Variants in CACNA2D3 observed in about 807,000 individuals in gnomAD.
CACNA2D3 encodes the protein voltage-dependent calcium channel subunit alpha-2/delta-3.
A neutral mutation model predicts 160.6 loss-of-function variants in CACNA2D3; 60 were observed. The ratio of observed to expected loss-of-function variants is 0.37; its 90% CI spans 0.30 to 0.46. The LOEUF (loss-of-function observed/expected upper bound fraction) is 0.46, where lower values mean the gene tolerates loss of function less well. Among genes scored for constraint, CACNA2D3 ranks in the 20% least tolerant of loss-of-function variants. The pLI is 1.00. For missense variants in CACNA2D3, 1,205 were observed against 1,365.0 expected (o/e 0.88, Z 1.85); for synonymous variants, 558 against 492.9 (o/e 1.13, Z -1.75).
At chr3:54,478,660 GTATATATA>G (rs375465672) in intron 4 of CACNA2D3, among the ~76,000 whole-genome samples, 2,951 of 36,390 alleles carry the variant, frequency 0.081, 565 homozygotes, top group African/African-American at 0.2. Context: ...ATATGTGTGT[GTATATATA>G]TATATATATA....
chr3:54,689,800 C>G (rs369296262), intron 11 of CACNA2D3, among the ~76,000 whole-genome samples: 37 of 152,252 alleles, frequency 2.4e-4, no homozygotes, highest in African/African-American at 8.7e-4. Flanking sequence ...CTCCCTGCCT[C>G]TTTGACACCC....
intron 9 of CACNA2D3, among the ~76,000 whole-genome samples, chr3:54,596,170 C>G (rs961964593): frequency 6.6e-6 from 1 of 152,080 alleles, no homozygotes; most frequent in African/African-American, 2.4e-5. Context: ...CTTCAGTCTC[C>G]AAGTCCATTG....
chr3:54,539,845 G>A (rs932263169), intron 5 of CACNA2D3, among the ~76,000 whole-genome samples: 3 of 152,194 alleles, frequency 2.0e-5, no homozygotes, highest in Non-Finnish European at 2.9e-5. Context: ...CTCTGCGCCA[G>A]CCAGTTTGTG....
intron 12 of CACNA2D3, among the ~76,000 whole-genome samples, chr3:54,763,788 T>TACGTATATATACGTATATATAA (rs374469206): frequency 2.6e-5 from 1 of 38,546 alleles, no homozygotes; most frequent in Non-Finnish European, 5.1e-5. Context: ...TACATATATA[T>TACGTATATATACGTATATATAA]GTATATATAT....
chr3:54,723,864 AC>A, intron 11 of CACNA2D3, among the ~76,000 whole-genome samples: 1 of 152,320 alleles, frequency 6.6e-6, no homozygotes, highest in East Asian at 1.9e-4. Context: ...GCATCAACTA[AC>A]AGACAAAACA....
intron 4 of CACNA2D3, among the ~76,000 whole-genome samples, chr3:54,404,215 C>A (rs770697905): frequency 1.3e-5 from 2 of 152,282 alleles, no homozygotes; most frequent in Middle Eastern, 3.4e-3. Flanking sequence ...GTATCAATAT[C>A]TCTGATGAAT....
intron 4 of CACNA2D3, among the ~76,000 whole-genome samples, chr3:54,492,640 G>A (rs927234840): frequency 5.9e-5 from 9 of 152,162 alleles, no homozygotes; most frequent in Admixed American, 2.6e-4. Context: ...AGTTGTCACC[G>A]CACGAGGACG....
intron 5 of CACNA2D3, among the ~76,000 whole-genome samples, chr3:54,507,836 G>T (rs867923535): frequency 6.6e-6 from 1 of 152,122 alleles, no homozygotes; most frequent in Non-Finnish European, 1.5e-5. Context: ...CCTGTGCCTC[G>T]TTTTCCTCAT....
rs371843244 is a variant in CACNA2D3 at position 54,819,957 on chromosome 3, C to T, written c.1398+3087C>T. Among the ~76,000 whole-genome samples the T allele has an allele frequency of 1.4e-4, 21 of 152,214 alleles. 1 individual carries two copies. Among genetic ancestry groups the T allele is most frequent in the African/African-American group, 3.4e-4 (14 of 41,556 alleles). On this transcript the variant is annotated intron_variant, in intron 14 of 37. Coordinates refer to ENST00000474759, the MANE Select transcript of CACNA2D3 (RefSeq NM_018398.3). The stretch of plus-strand genomic sequence containing the variant: ...AAACCCCAACAAAGCAAAAATTTGT[C>T]GGGAGAATTGTTTTGAGAGGTTTCT...
intron 11 of CACNA2D3, among the ~76,000 whole-genome samples, chr3:54,734,619 G>A (rs1430676011): frequency 1.3e-5 from 2 of 152,180 alleles, no homozygotes; most frequent in Non-Finnish European, 2.9e-5. Flanking sequence ...GGGGATGCTC[G>A]AAGCATCTTT....
intron 13 of CACNA2D3, among the ~76,000 whole-genome samples, chr3:54,788,842 G>A (rs1702690429): frequency 6.6e-6 from 1 of 152,170 alleles, no homozygotes; most frequent in South Asian, 2.1e-4. Context: ...TAATGACTCA[G>A]TGGGTTGAAT....
intron 2 of CACNA2D3, among the ~76,000 whole-genome samples, chr3:54,294,167 A>G (rs137923587): frequency 5.8e-4 from 89 of 152,330 alleles, no homozygotes; most frequent in Middle Eastern, 3.4e-3. Flanking sequence ...TTGATGAGTA[A>G]GAAAGACTAA....
chr3:54,913,078 CTGTTT>C lies in CACNA2D3; in HGVS notation c.2449+13219_2449+13223del, dbSNP rs761698151. On this transcript the variant is annotated intron_variant, in intron 27 of 37. Transcript: ENST00000474759. ...TCTGTTTCAAGGTCACACCTCTGCT[CTGTTT>C]TGTTTTGTGTTGTTTTTTTGAGATA... Among the ~76,000 whole-genome samples, 137 of 152,164 alleles carry C rather than the reference CTGTTT, an allele frequency of 9.0e-4. 1 individual carries two copies. Among genetic ancestry groups the C allele is most frequent in the Admixed American group, 3.4e-3 (52 of 15,280 alleles).
At chr3:55,061,140 C>G (rs771340703) in intron 35 of CACNA2D3, among the ~76,000 whole-genome samples, 5 of 152,224 alleles carry the variant, frequency 3.3e-5, no homozygotes, top group East Asian at 1.9e-4. Flanking sequence ...GGCAAAGCAT[C>G]CTTCTGGCTT....
intron 27 of CACNA2D3, among the ~76,000 whole-genome samples, chr3:54,958,144 A>G (rs1701946928): frequency 6.6e-6 from 1 of 152,272 alleles, no homozygotes; most frequent in African/African-American, 2.4e-5. Flanking sequence ...GATGAAACAC[A>G]ATAAATAATA....
At chr3:54,288,666 A>T (rs1364585692) in intron 2 of CACNA2D3, among the ~76,000 whole-genome samples, 2 of 152,226 alleles carry the variant, frequency 1.3e-5, no homozygotes, top group Non-Finnish European at 2.9e-5. Context: ...TGATGCAAAT[A>T]TCCTCAATCA....
chr3:54,810,332 G>A (rs1703271014), intron 13 of CACNA2D3, among the ~76,000 whole-genome samples: 2 of 152,340 alleles, frequency 1.3e-5, no homozygotes, highest in Admixed American at 1.3e-4. Context: ...GGTGGCAGAA[G>A]TGGAAGGATG....
chr3:54,934,373 G>A (rs796757188), intron 27 of CACNA2D3, among the ~76,000 whole-genome samples: 2 of 151,354 alleles, frequency 1.3e-5, no homozygotes, highest in African/African-American at 4.8e-5. Context: ...GTTTTCTCTA[G>A]TAAGAAAGTG....
In CACNA2D3 at chr3:54,681,339, C is replaced by T. The variant is rs144128562; in HGVS notation, c.1167+39098C>T. Reference sequence around the variant, plus strand: ...ATCATTTGAGGTCAGGAGTTAAAGACCAGCCTGACCAACATGGTGAAACCC... The same window carrying T: ...ATCATTTGAGGTCAGGAGTTAAAGATCAGCCTGACCAACATGGTGAAACCC... On this transcript the variant is annotated intron_variant, in intron 11 of 37. Coordinates refer to ENST00000474759, the MANE Select transcript of CACNA2D3 (RefSeq NM_018398.3). Among the ~76,000 whole-genome samples the T allele has an allele frequency of 9.0e-3, 1,268 of 140,842 alleles. 3 individuals carry two copies. The highest frequency in any genetic ancestry group is 0.016 in the Middle Eastern group (4 of 252). The allele number at this position is 140,842 out of a possible 152,430, so 92.4% of individuals were successfully genotyped here.
Sources: gnomAD v4.1 joint callset for allele counts (sites outside exome capture counted in the v4.1 genomes callset) on GRCh38, gnomAD v4.1.1 for gene constraint, MANE v1.5 for transcripts, NCBI Gene and HGNC (gene_info 2026-07-23, HGNC 2026-07-21) for gene names.